Variants in CNTN5 observed in about 807,000 individuals in gnomAD.
The protein encoded by CNTN5 is contactin 5, also known as contactin-5.
CNTN5 carries 77 observed loss-of-function variants against 129.1 expected under a neutral mutation model. That is an observed-to-expected ratio of 0.60 (90% CI 0.50 to 0.72). The LOEUF is 0.72. Among genes scored for constraint, CNTN5 ranks in the 30% least tolerant of loss-of-function variants. CNTN5 has a pLI of 0.00. For missense variants in CNTN5, 1,478 were observed against 1,328.8 expected (o/e 1.11, Z -1.75); for synonymous variants, 509 against 465.6 (o/e 1.09, Z -1.20).
At chr11:99,375,199 A>C (rs1940092182) in intron 2 of CNTN5, among the ~76,000 whole-genome samples, 1 of 147,626 alleles carries the variant, frequency 6.8e-6, no homozygotes, top group Non-Finnish European at 1.5e-5. Context: ...GCTACTCGGG[A>C]GGCTGAGGCA....
At chr11:100,189,266 TAA>T (rs35445081) in intron 13 of CNTN5, among the ~76,000 whole-genome samples, 339 of 130,936 alleles carry the variant, frequency 2.6e-3, no homozygotes, top group African/African-American at 6.2e-3. Context: ...TAAGTTGAAT[TAA>T]AAAAAAAAAA....
intron 3 of CNTN5, among the ~76,000 whole-genome samples, chr11:99,714,388 T>G (rs182557568): frequency 7.2e-5 from 11 of 152,056 alleles, no homozygotes; most frequent in Non-Finnish European, 1.3e-4. Context: ...GAAAATAACT[T>G]GTATAGCATT....
intron 3 of CNTN5, among the ~76,000 whole-genome samples, chr11:99,774,297 G>A (rs1356729316): frequency 2.0e-5 from 3 of 151,380 alleles, no homozygotes; most frequent in East Asian, 3.9e-4. Context: ...AAGTAATTTA[G>A]TGATTGTTAA....
chr11:99,106,497 T>G (rs563532840), intron 1 of CNTN5, among the ~76,000 whole-genome samples: 1 of 152,008 alleles, frequency 6.6e-6, no homozygotes, highest in Non-Finnish European at 1.5e-5. Context: ...GGAATGTAGT[T>G]CCTATAATTA....
chr11:100,238,625 CTGGT>C (rs1949675764), intron 16 of CNTN5, among the ~76,000 whole-genome samples: 1 of 151,828 alleles, frequency 6.6e-6, no homozygotes, highest in African/African-American at 2.4e-5. Flanking sequence ...ATTTAATTTT[CTGGT>C]TTACATAAAA....
chr11:99,412,030 T>A (rs547778424), intron 2 of CNTN5, among the ~76,000 whole-genome samples: 3 of 152,240 alleles, frequency 2.0e-5, no homozygotes, highest in African/African-American at 7.2e-5. Flanking sequence ...AGAATAAAAA[T>A]AAAGAAATGG....
Position 100,121,330 on chromosome 11 carries a change from C to G in CNTN5, c.1580+47036C>G, listed in dbSNP as rs143272305. On this transcript the variant is annotated intron_variant, in intron 13 of 24. Transcript: ENST00000524871. ...ACAATGTTTTGTGACAAAAGTCTGC[C>G]TAGGTTTTAGACAGATTTTAATCTT... is the stretch of plus-strand genomic sequence containing the variant. Among the ~76,000 whole-genome samples, 78 of 152,100 alleles carry G rather than the reference C, an allele frequency of 5.1e-4. No homozygotes were observed. The East Asian group carries it at 0.015, about 29-fold the overall frequency.
chr11:99,825,346 C>T (rs1946920981), intron 4 of CNTN5, among the ~76,000 whole-genome samples: 1 of 151,920 alleles, frequency 6.6e-6, no homozygotes, highest in South Asian at 2.1e-4. Context: ...TAGTGATTAT[C>T]ACTAATGAAA....
intron 3 of CNTN5, among the ~76,000 whole-genome samples, chr11:99,785,938 C>G (rs1316279687): frequency 6.6e-6 from 1 of 152,078 alleles, no homozygotes; most frequent in African/African-American, 2.4e-5. Context: ...CCTTTGAAAG[C>G]CGGCACAAGA....
intron 10 of CNTN5, among the ~76,000 whole-genome samples, chr11:100,068,614 C>A (rs1591174392): frequency 6.6e-6 from 1 of 152,246 alleles, no homozygotes; most frequent in East Asian, 1.9e-4. Context: ...TCTCATCACT[C>A]CTATCAGCAT....
chr11:99,129,515 T>C (rs1352759924), intron 1 of CNTN5, among the ~76,000 whole-genome samples: 2 of 152,080 alleles, frequency 1.3e-5, no homozygotes, highest in Admixed American at 6.5e-5. Context: ...ACAGGGAGAA[T>C]GGAAGCAAGT....
rs150276862 is a variant in CNTN5 at position 99,970,078 on chromosome 11, C to G, written c.877+13069C>G. ...AATTAGACTCCTAATCTCATGATCA[C>G]TTATGCCATAGGTTCTGCAAGCACT... On this transcript the variant is annotated intron_variant, in intron 8 of 24. Transcript: ENST00000524871. 2.0e-3 allele frequency among the ~76,000 whole-genome samples: 300 copies of G among 152,266 alleles called. 5 individuals are homozygous for G. Among genetic ancestry groups the G allele is most frequent in the East Asian group, 4.1e-3 (21 of 5,182 alleles).
At chr11:100,051,426 T>C (rs1179047878) in intron 9 of CNTN5, among the ~76,000 whole-genome samples, 3 of 151,850 alleles carry the variant, frequency 2.0e-5, no homozygotes, top group Admixed American at 6.6e-5. Context: ...CAAAAGAAAG[T>C]AGAAAATATT....
intron 1 of CNTN5, among the ~76,000 whole-genome samples, chr11:99,027,462 T>A (rs1028517304): frequency 6.6e-6 from 1 of 151,636 alleles, no homozygotes; most frequent in African/African-American, 2.4e-5. Flanking sequence ...ACTACTTTTC[T>A]GTGTTTTAAA....
chr11:99,034,515 G>C (rs1863599080), intron 1 of CNTN5, among the ~76,000 whole-genome samples: 1 of 151,536 alleles, frequency 6.6e-6, no homozygotes. Flanking sequence ...TATGTGTCGA[G>C]GAATTTATCC....
chr11:99,065,494 C>T (rs568304631), intron 1 of CNTN5, among the ~76,000 whole-genome samples: 27 of 152,282 alleles, frequency 1.8e-4, no homozygotes, highest in African/African-American at 5.8e-4. Flanking sequence ...AGAACACAAA[C>T]ATATCTCCTC....
intron 3 of CNTN5, among the ~76,000 whole-genome samples, chr11:99,766,243 A>T (rs2059242020): frequency 6.6e-6 from 1 of 152,076 alleles, no homozygotes. Flanking sequence ...GAATGCAAAC[A>T]TATTTATCTG....
chr11:99,111,783 T>TA (rs1478204967), intron 1 of CNTN5, among the ~76,000 whole-genome samples: 5 of 152,090 alleles, frequency 3.3e-5, no homozygotes. Flanking sequence ...ACTGCGAACC[T>TA]ATTTAATACA....
At chr11:100,216,281 A>G (rs1949137541) in intron 15 of CNTN5, among the ~76,000 whole-genome samples, 1 of 152,180 alleles carries the variant, frequency 6.6e-6, no homozygotes, top group South Asian at 2.1e-4. Flanking sequence ...GTGTTAAGAC[A>G]CTGACTATTC....
Sources: gnomAD v4.1 joint callset for allele counts (sites outside exome capture counted in the v4.1 genomes callset) on GRCh38, gnomAD v4.1.1 for gene constraint, MANE v1.5 for transcripts, NCBI Gene and HGNC (gene_info 2026-07-23, HGNC 2026-07-21) for gene names.